Variants in ME2 observed in about 807,000 individuals in gnomAD.
The protein encoded by ME2 is malic enzyme 2, also known as NAD-dependent malic enzyme, mitochondrial.
Under a neutral mutation model 73.7 loss-of-function variants are expected in ME2, and 60 were observed. The observed-to-expected ratio is 0.81, with a 90% CI of 0.66 to 1.01. The LOEUF is 1.01. Among genes scored for constraint, ME2 ranks in the 50% least tolerant of loss-of-function variants. ME2 has a pLI of 0.00. For synonymous variants in ME2, 199 were observed against 236.9 expected, an observed-to-expected ratio of 0.84 and a Z score of 1.47; for missense variants, 594 against 705.5, an observed-to-expected ratio of 0.84 and a Z score of 1.79.
intron 5 of ME2, chr18:50,916,881 AT>A (rs1917297621): frequency 6.6e-6 from 1 of 152,538 alleles, no homozygotes; most frequent in South Asian, 2.1e-4. Context: ...TCACAGTATC[AT>A]CTTAAGACCT....
At chr18:50,931,814 A>G (rs1917697111) in intron 12 of ME2, among the ~76,000 whole-genome samples, 2 of 151,934 alleles carry the variant, frequency 1.3e-5, no homozygotes, top group African/African-American at 4.8e-5. Context: ...AGCTGAGATT[A>G]CAGGCATGGG....
At chr18:50,934,898 A>C (rs1248256203) in intron 13 of ME2, 6 of 152,216 alleles carry the variant, frequency 3.9e-5, no homozygotes, top group Non-Finnish European at 5.9e-5. Context: ...AATGCACAGA[A>C]CAAGCTTTTG....
intron 13 of ME2, chr18:50,934,503 C>G (rs1340771431): frequency 6.6e-6 from 1 of 151,914 alleles, no homozygotes; most frequent in Non-Finnish European, 1.5e-5. Flanking sequence ...AAAAAATTAA[C>G]CAGGTGTAGT....
At chr18:50,945,892 C>G (rs1329549796) in intron 15 of ME2, among the ~76,000 whole-genome samples, 1 of 152,048 alleles carries the variant, frequency 6.6e-6, no homozygotes, top group African/African-American at 2.4e-5. Flanking sequence ...CATGGCAAAA[C>G]CCCATCTCTA....
Position 50,895,796 on chromosome 18 carries a change from T to A in ME2, c.-12-13T>A, listed in dbSNP as rs766589757. The A allele has an allele frequency of 6.5e-7, 1 of 1,549,952 alleles. No individual in the cohort carries two copies. The highest frequency in any genetic ancestry group is 8.9e-7 in the Non-Finnish European group (1 of 1,124,722). On this transcript the variant is annotated splice_polypyrimidine_tract_variant and intron_variant, in intron 1 of 15. Coordinates refer to ENST00000321341, the MANE Select transcript of ME2 (RefSeq NM_002396.5). Reference sequence around the variant, plus strand: ...GATTCTCTTCAGTGGTTTATTTGCTTTGTTTTTCTCAGGTGAAAGAAAAGA... The same window carrying A: ...GATTCTCTTCAGTGGTTTATTTGCTATGTTTTTCTCAGGTGAAAGAAAAGA...
At chr18:50,915,143 C>A (rs1203696727) in intron 4 of ME2, among the ~76,000 whole-genome samples, 1 of 151,840 alleles carries the variant, frequency 6.6e-6, no homozygotes, top group Non-Finnish European at 1.5e-5. Flanking sequence ...ATAACATTTT[C>A]TTTTTTCTAG....
intron 1 of ME2, among the ~76,000 whole-genome samples, chr18:50,892,326 G>C (rs1053758901): frequency 6.6e-6 from 1 of 152,182 alleles, no homozygotes; most frequent in African/African-American, 2.4e-5. Flanking sequence ...AGTGAGCTAT[G>C]ATTGTGCCAC....
chr18:50,907,685 T>G (rs1347753783), intron 2 of ME2, among the ~76,000 whole-genome samples: 2 of 152,226 alleles, frequency 1.3e-5, no homozygotes, highest in African/African-American at 4.8e-5. Context: ...TAGCTTGTAA[T>G]ATCCAAGAGA....
At position 50,946,931 on chromosome 18, in the gene ME2, A is replaced by G. The variant is rs1310233284; in HGVS notation, c.1588-86A>G. The G allele has an allele frequency of 9.4e-6, 9 of 959,632 alleles. No individual in the cohort carries two copies. The African/African-American group carries it at 1.3e-4, about 14-fold the overall frequency. 59.4% of individuals were successfully genotyped at this position (959,632 alleles called of 1,614,324 possible). A position where few individuals can be genotyped will look rare whatever the true frequency, so the allele number is the denominator to read the frequency against. On this transcript the variant is annotated intron_variant, in intron 15 of 15. Transcript: ENST00000321341. ...AAAAAGAAGAATGCCATTCTTCTAA[A>G]CTTATTTTCCTGTGTTATAATAGTA...
rs1180028106 is a variant in ME2, at chr18:50,950,035, T to C, written c.*2851T>C. 1.3e-5 allele frequency: 2 copies of C among 152,198 alleles called. No individual in the cohort carries two copies. Among genetic ancestry groups the C allele is most frequent in the Non-Finnish European group, 2.9e-5 (2 of 68,048 alleles). The allele number at this position is 152,198 out of a possible 1,614,324, so 9.4% of individuals were successfully genotyped here. On this transcript the variant is annotated 3_prime_UTR_variant, in exon 16 of 16. Coordinates refer to ENST00000321341, the MANE Select transcript of ME2 (RefSeq NM_002396.5). ...TTGAATAACAGCAATAGAGAATCTT[T>C]TATTTTGAATTGAGAAGAAATTCTG...
chr18:50,924,305 G>T, intron 11 of ME2, 93 bp downstream of exon 11: 1 of 800,520 alleles, frequency 1.2e-6, no homozygotes, highest in Non-Finnish European at 2.0e-6. Context: ...TGAATTGGCA[G>T]TTTTACCTAG....
At chr18:50,908,300 TTG>T in intron 3 of ME2, 104 bp downstream of exon 3, 1 of 816,402 alleles carries the variant, frequency 1.2e-6, no homozygotes, top group East Asian at 2.9e-5. Context: ...TTATATAAGT[TTG>T]TGTTTTGTCA....
At chr18:50,927,751 T>TATATATATATATATATATATAC in intron 12 of ME2, among the ~76,000 whole-genome samples, 1 of 123,288 alleles carries the variant, frequency 8.1e-6, no homozygotes, top group East Asian at 2.4e-4. Flanking sequence ...TATATATATA[T>TATATATATATATATATATATAC]ACACACCACA....
intron 3 of ME2, among the ~76,000 whole-genome samples, chr18:50,910,518 A>C (rs1281127029): frequency 6.6e-6 from 1 of 152,048 alleles, no homozygotes; most frequent in African/African-American, 2.4e-5. Flanking sequence ...GCCTGGTGGC[A>C]AGATCTTGTT....
intron 15 of ME2, 76 bp from the exon 16 acceptor site, chr18:50,946,941 C>A (rs1918097148): frequency 2.0e-6 from 2 of 1,015,228 alleles, no homozygotes; most frequent in Non-Finnish European, 2.9e-6. Flanking sequence ...ACTTATTTTC[C>A]TGTGTTATAA....
intron 1 of ME2, among the ~76,000 whole-genome samples, chr18:50,893,548 G>T (rs1220244581): frequency 6.6e-6 from 1 of 152,142 alleles, no homozygotes; most frequent in Non-Finnish European, 1.5e-5. Flanking sequence ...GAAGTAATTG[G>T]CTTGTGTTTG....
chr18:50,939,699 T>C, intron 14 of ME2, 59 bp downstream of exon 14: 1 of 1,194,386 alleles, frequency 8.4e-7, no homozygotes, highest in South Asian at 1.3e-5. Flanking sequence ...TGAGTAGATC[T>C]GAAAATTAAA....
At chr18:50,910,459 A>G (rs559104836) in intron 3 of ME2, among the ~76,000 whole-genome samples, 20 of 149,306 alleles carry the variant, frequency 1.3e-4, no homozygotes, top group African/African-American at 4.4e-4. Context: ...AAAAAAAAAG[A>G]AAAAGGCTAA....
intron 3 of ME2, among the ~76,000 whole-genome samples, chr18:50,908,632 T>A (rs1373458116): frequency 6.6e-6 from 1 of 152,142 alleles, no homozygotes; most frequent in Non-Finnish European, 1.5e-5. Flanking sequence ...AAGCTACCCC[T>A]GGCAAACTTT....
Sources: allele counts gnomAD v4.1 joint callset (sites outside exome capture counted in the v4.1 genomes callset), GRCh38; gene constraint gnomAD v4.1.1; transcripts MANE v1.5; gene names NCBI Gene and HGNC (gene_info 2026-07-23, HGNC 2026-07-21).